LRBA: variants seen among roughly 807,000 people sequenced by gnomAD.
The protein encoded by LRBA is LPS responsive beige-like anchor protein.
A neutral mutation model predicts 330.0 loss-of-function variants in LRBA; 176 were observed. That is an observed-to-expected ratio of 0.53 (90% confidence interval 0.47 to 0.60). The LOEUF (loss-of-function observed/expected upper bound fraction) is 0.60, where lower values mean the gene tolerates loss of function less well. Ranked by LOEUF, LRBA falls within the 20% of genes least tolerant of loss-of-function variation. The pLI is 0.00. For missense variants in LRBA, 3,259 were observed against 3,444.8 expected (o/e 0.95, Z 1.35); for synonymous variants, 1,230 against 1,193.0 (o/e 1.03, Z -0.64).
chr4:150,651,080 T>G (rs1244336328), intron 37 of LRBA, among the ~76,000 whole-genome samples: 1 of 152,196 alleles, frequency 6.6e-6, no homozygotes, highest in Non-Finnish European at 1.5e-5. Flanking sequence ...CTCTTAAATT[T>G]TATGGCAAAA....
chr4:150,489,232 A>ATATACACGAATATATAATATAT (rs1758409433), intron 41 of LRBA, among the ~76,000 whole-genome samples: 2 of 103,274 alleles, frequency 1.9e-5, no homozygotes, highest in African/African-American at 9.9e-5. Flanking sequence ...ATAATATATT[A>ATATACACGAATATATAATATAT]TATATACGAA....
chr4:150,352,579 C>A (rs1224249396), intron 47 of LRBA, among the ~76,000 whole-genome samples: 2 of 152,102 alleles, frequency 1.3e-5, no homozygotes, highest in African/African-American at 4.8e-5. Context: ...ACAGATATGA[C>A]AGCACAAAAC....
intron 40 of LRBA, among the ~76,000 whole-genome samples, chr4:150,531,850 TG>T (rs1764084654): frequency 6.6e-6 from 1 of 152,182 alleles, no homozygotes; most frequent in Non-Finnish European, 1.5e-5. Flanking sequence ...ACACAGGACA[TG>T]GAATCAAAAG....
At chr4:150,349,455 G>A (rs1444131862) in intron 48 of LRBA, among the ~76,000 whole-genome samples, 1 of 152,102 alleles carries the variant, frequency 6.6e-6, no homozygotes, top group African/African-American at 2.4e-5. Flanking sequence ...GGTGAGTGCT[G>A]CATTTGCCAA....
At chr4:150,687,299 T>C (rs944799805) in intron 36 of LRBA, among the ~76,000 whole-genome samples, 5 of 152,140 alleles carry the variant, frequency 3.3e-5, no homozygotes, top group African/African-American at 1.2e-4. Flanking sequence ...TATTTATTTG[T>C]AGTATACATA....
At chr4:150,810,173 T>C (rs1302031495) in intron 31 of LRBA, among the ~76,000 whole-genome samples, 1 of 152,124 alleles carries the variant, frequency 6.6e-6, no homozygotes, top group East Asian at 1.9e-4. Flanking sequence ...ACTTGATCAA[T>C]AACCCTCAGT....
At chr4:150,336,176 G>A (rs113514619) in intron 48 of LRBA, among the ~76,000 whole-genome samples, 8,593 of 152,162 alleles carry the variant, frequency 0.056, 397 homozygotes, top group East Asian at 0.18. Flanking sequence ...ATTAAGCCCC[G>A]TACCCAATAG....
rs553247683 is a variant in LRBA, at chr4:150,921,914, C to T, written c.550-621G>A. Among the ~76,000 whole-genome samples the T allele has an allele frequency of 8.5e-5, 13 of 152,280 alleles. No homozygotes were observed. The South Asian group carries it at 1.7e-3, about 19-fold the overall frequency. On this transcript the variant is annotated intron_variant, in intron 4 of 56. Transcript: ENST00000651943. ...CTAACTTTTGTACTTTTAGTAGAGA[C>T]GGGGTTTCTCCATGTTGGTCAGGCT...
At chr4:150,686,763 A>G (rs1005955658) in intron 36 of LRBA, among the ~76,000 whole-genome samples, 8 of 152,186 alleles carry the variant, frequency 5.3e-5, no homozygotes, top group African/African-American at 1.9e-4. Context: ...CCTTCATATT[A>G]AACAGCATTA....
intron 47 of LRBA, among the ~76,000 whole-genome samples, chr4:150,360,993 G>A (rs1326603277): frequency 6.6e-6 from 1 of 152,050 alleles, no homozygotes; most frequent in Non-Finnish European, 1.5e-5. Context: ...TTAAATTTTG[G>A]CTACTCAGCT....
intron 47 of LRBA, among the ~76,000 whole-genome samples, chr4:150,394,898 T>C (rs1335000697): frequency 6.6e-6 from 1 of 152,206 alleles, no homozygotes; most frequent in Non-Finnish European, 1.5e-5. Context: ...ATAAACACTA[T>C]TATATGCTTG....
intron 48 of LRBA, among the ~76,000 whole-genome samples, chr4:150,341,042 C>T (rs551384038): frequency 6.6e-6 from 1 of 152,222 alleles, no homozygotes; most frequent in South Asian, 2.1e-4. Context: ...TGTAGGTAGG[C>T]AGGGACAGAA....
chr4:150,435,740 T>C (rs1373668129), intron 45 of LRBA, 32 bp from the exon 46 acceptor site: 1 of 1,542,684 alleles, frequency 6.5e-7, no homozygotes, highest in East Asian at 2.3e-5. Flanking sequence ...AATCCATATG[T>C]TCCCTCAGGC....
chr4:150,464,666 G>A lies in LRBA; in HGVS notation c.6780+3007C>T, dbSNP rs566329579. On this transcript the variant is annotated intron_variant, in intron 44 of 56. Coordinates refer to ENST00000651943, the MANE Select transcript of LRBA (RefSeq NM_001364905.1). ...TGCTCTTAGTTGGACTCCTTCATAC[G>A]TTTGTGGTCAGCTGGCAGGTCAGCT... 1.3e-4 allele frequency among the ~76,000 whole-genome samples: 20 copies of A among 152,028 alleles called. 1 individual carries two copies. The highest frequency in any genetic ancestry group is 3.4e-3 in the Middle Eastern group (1 of 294).
intron 34 of LRBA, among the ~76,000 whole-genome samples, chr4:150,769,268 C>T (rs1233389333): frequency 6.6e-6 from 1 of 151,606 alleles, no homozygotes; most frequent in Admixed American, 6.6e-5. Context: ...TTCTATGCCC[C>T]GGTATTAATC....
At chr4:150,682,456 CCTTT>C (rs1370647236) in intron 37 of LRBA, among the ~76,000 whole-genome samples, 2 of 152,088 alleles carry the variant, frequency 1.3e-5, no homozygotes, top group Non-Finnish European at 2.9e-5. Context: ...CCTTGACTTG[CCTTT>C]CTTTCTCTGA....
intron 40 of LRBA, chr4:150,581,293 TA>T: frequency 2.3e-6 from 1 of 438,826 alleles, no homozygotes; most frequent in South Asian, 1.7e-5. Context: ...TCGAAATTAC[TA>T]AAAAGAGATT....
intron 36 of LRBA, among the ~76,000 whole-genome samples, chr4:150,696,537 T>C (rs935174180): frequency 6.6e-6 from 1 of 152,198 alleles, no homozygotes; most frequent in African/African-American, 2.4e-5. Flanking sequence ...CTAACATTTA[T>C]TGTAGGCTTA....
At chr4:150,714,672 G>A (rs1786566465) in intron 36 of LRBA, among the ~76,000 whole-genome samples, 1 of 152,108 alleles carries the variant, frequency 6.6e-6, no homozygotes, top group African/African-American at 2.4e-5. Flanking sequence ...AATGATATGT[G>A]AGGTAATGCA....
Sources: allele counts gnomAD v4.1 joint callset (sites outside exome capture counted in the v4.1 genomes callset), GRCh38; gene constraint gnomAD v4.1.1; transcripts MANE v1.5; gene names NCBI Gene and HGNC (gene_info 2026-07-23, HGNC 2026-07-21).